The following SORCS2 variants were observed in gnomAD, a reference collection of about 807,000 sequenced individuals.
SORCS2 encodes the protein VPS10 domain-containing receptor SorCS2.
A neutral mutation model predicts 141.6 loss-of-function variants in SORCS2; 100 were observed. The ratio of observed to expected loss-of-function variants is 0.71; its 90% CI spans 0.60 to 0.83. The LOEUF is 0.83. Ranked by LOEUF, SORCS2 falls within the 40% of genes least tolerant of loss-of-function variation. The pLI is 0.00. For missense variants in SORCS2, 1,646 were observed against 1,560.2 expected (o/e 1.05, Z -0.93); for synonymous variants, 789 against 676.9 (o/e 1.17, Z -2.57).
chr4:7,694,300 A>G (rs10937855), intron 11 of SORCS2, among the ~76,000 whole-genome samples: 104,341 of 151,680 alleles, frequency 0.69, 36,496 homozygotes, highest in East Asian at 0.92. Context: ...TTCTCCCCTC[A>G]TCACCTCCCT....
At chr4:7,225,609 G>A (rs1430732318) in intron 1 of SORCS2, among the ~76,000 whole-genome samples, 2 of 152,168 alleles carry the variant, frequency 1.3e-5, no homozygotes, top group Non-Finnish European at 2.9e-5. Context: ...GCTGGGGGTT[G>A]GGGGTGATTT....
rs75252298 is a variant in SORCS2, at chr4:7,396,367, C to T, written c.548+12C>T. 9.9e-5 allele frequency: 160 copies of T among 1,613,420 alleles called. No individual in the cohort carries two copies. The highest frequency in any genetic ancestry group is 1.7e-4 in the Middle Eastern group (1 of 6,052). ...AGTTCTCTGTGGCGGTAAGTCAGCC[C>T]GATGGCAGGCCTTTCTCTTATGCAC... On this transcript the variant is annotated intron_variant, in intron 2 of 26. Transcript: ENST00000507866.
intron 3 of SORCS2, among the ~76,000 whole-genome samples, chr4:7,602,994 CA>C (rs1442677485): frequency 1.3e-5 from 2 of 152,124 alleles, no homozygotes; most frequent in Non-Finnish European, 2.9e-5. Context: ...CCGTCTCCAC[CA>C]AAAAAATACA....
chr4:7,462,966 GT>G (rs796856821), intron 2 of SORCS2, among the ~76,000 whole-genome samples: 37 of 151,872 alleles, frequency 2.4e-4, no homozygotes, highest in African/African-American at 8.7e-4. Flanking sequence ...GGACTGAGGA[GT>G]GCCTGTTTGA....
rs189122974 is a variant in SORCS2 at position 7,263,468 on chromosome 4, G to A, written c.480+70342G>A. On this transcript the variant is annotated intron_variant, in intron 1 of 26. Transcript: ENST00000507866. Reference sequence around the variant, plus strand: ...GGACGCTGGCCGGGTGTTCATCATCGTCTGCCTCATTGTCCTGGGAAGGAG... The same window carrying A: ...GGACGCTGGCCGGGTGTTCATCATCATCTGCCTCATTGTCCTGGGAAGGAG... Among the ~76,000 whole-genome samples the A allele has an allele frequency of 3.5e-3, 527 of 152,296 alleles. 2 individuals carry two copies. Among genetic ancestry groups the A allele is most frequent in the Middle Eastern group, 0.01 (3 of 294 alleles).
At chr4:7,677,464 C>T (rs1723238354) in intron 9 of SORCS2, among the ~76,000 whole-genome samples, 1 of 152,268 alleles carries the variant, frequency 6.6e-6, no homozygotes. Context: ...AAAACCAGGA[C>T]CGGCCCAGGC....
intron 3 of SORCS2, among the ~76,000 whole-genome samples, chr4:7,593,593 G>A (rs1717059993): frequency 6.6e-6 from 1 of 152,066 alleles, no homozygotes. Context: ...AGCCTCAGTG[G>A]CTGCTGTGTT....
intron 2 of SORCS2, among the ~76,000 whole-genome samples, chr4:7,487,004 G>A (rs1731029659): frequency 6.6e-6 from 1 of 152,226 alleles, no homozygotes; most frequent in South Asian, 2.1e-4. Context: ...ACCTCAGCGG[G>A]AAGCGGCTGC....
At chr4:7,479,157 C>T (rs1730476688) in intron 2 of SORCS2, among the ~76,000 whole-genome samples, 1 of 151,710 alleles carries the variant, frequency 6.6e-6, no homozygotes, top group Non-Finnish European at 1.5e-5. Context: ...CAAACGCCAG[C>T]AGCCAGCTGC....
At chr4:7,691,644 A>G (rs1202000852) in intron 11 of SORCS2, among the ~76,000 whole-genome samples, 1 of 152,074 alleles carries the variant, frequency 6.6e-6, no homozygotes, top group East Asian at 1.9e-4. Context: ...ACCCATCAGC[A>G]TCAATGTGAA....
chr4:7,497,936 G>T (rs4234820), intron 2 of SORCS2, among the ~76,000 whole-genome samples: 147,863 of 152,364 alleles, frequency 0.97, 71,865 homozygotes, highest in East Asian at 1. Context: ...TTCACTGAAG[G>T]GGGTGAAGAA....
At position 7,741,197 on chromosome 4, in the gene SORCS2, A is replaced by G. The variant is rs1195686298; in HGVS notation, c.*933A>G. ...GTACCAGTTTTCTGCAGTTCCTTAT[A>G]GGCGAAGGGAACCGGGTGGAAACCA... On this transcript the variant is annotated 3_prime_UTR_variant, in exon 27 of 27. Transcript: ENST00000507866. 3 of 398,622 alleles carry G rather than the reference A, an allele frequency of 7.5e-6. No homozygotes were observed. The highest frequency in any genetic ancestry group is 4.4e-5 in the Admixed American group (1 of 22,708). The allele number at this position is 398,622 out of a possible 1,614,324, so 24.7% of individuals were successfully genotyped here. A position where few individuals can be genotyped will look rare whatever the true frequency, so the allele number is the denominator to read the frequency against.
At position 7,740,617 on chromosome 4, in the gene SORCS2, C is replaced by G. The variant is rs1364820478; in HGVS notation, c.*353C>G. The G allele has an allele frequency of 2.8e-6, 1 of 354,750 alleles. No homozygotes were observed. Among genetic ancestry groups the G allele is most frequent in the African/African-American group, 2.0e-5 (1 of 49,834 alleles). The allele number at this position is 354,750 out of a possible 1,614,324, so 22.0% of individuals were successfully genotyped here. On this transcript the variant is annotated 3_prime_UTR_variant, in exon 27 of 27. Transcript: ENST00000507866. ...GGTCGTCCTGGAGCCCTCCCAGTAC[C>G]TCGGGCTGCAAGAGCTGCAGACCCG...
At position 7,506,784 on chromosome 4, in the gene SORCS2, A is replaced by T. The variant is rs573712018; in HGVS notation, c.549-24746A>T. Among the ~76,000 whole-genome samples, 5 of 152,344 alleles carry T rather than the reference A, an allele frequency of 3.3e-5. No individual in the cohort carries two copies. In the East Asian group the frequency reaches 9.6e-4, roughly 29 times the overall value. On this transcript the variant is annotated intron_variant, in intron 2 of 26. Transcript: ENST00000507866. ...GATGTAGTCAGGGAGGGCTTCCTGG[A>T]GGTAGCAGACCCTGAAACAGATGTC... is the stretch of plus-strand genomic sequence containing the variant.
At chr4:7,539,948 C>A (rs901629724) in intron 3 of SORCS2, among the ~76,000 whole-genome samples, 3 of 151,290 alleles carry the variant, frequency 2.0e-5, no homozygotes, top group African/African-American at 7.3e-5. Flanking sequence ...AAGGTCTCAC[C>A]CCCTCCCTGC....
intron 3 of SORCS2, among the ~76,000 whole-genome samples, chr4:7,547,351 G>A (rs1713341694): frequency 6.6e-6 from 1 of 152,300 alleles, no homozygotes; most frequent in African/African-American, 2.4e-5. Context: ...CACTTCCAGA[G>A]CCCAGCTCTG....
intron 2 of SORCS2, among the ~76,000 whole-genome samples, chr4:7,414,256 T>G (rs953200000): frequency 2.0e-5 from 3 of 152,178 alleles, no homozygotes; most frequent in Non-Finnish European, 4.4e-5. Flanking sequence ...AGCCCACAGT[T>G]GCACATGGCA....
At chr4:7,523,416 T>C (rs1733465629) in intron 2 of SORCS2, among the ~76,000 whole-genome samples, 2 of 152,052 alleles carry the variant, frequency 1.3e-5, no homozygotes, top group Non-Finnish European at 2.9e-5. Flanking sequence ...CCAACAAGCA[T>C]TTATTGAGTG....
intron 2 of SORCS2, among the ~76,000 whole-genome samples, chr4:7,526,481 A>G (rs1733704198): frequency 6.6e-6 from 1 of 152,250 alleles, no homozygotes; most frequent in African/African-American, 2.4e-5. Flanking sequence ...TGACGATGAT[A>G]AAAGGATCGG....
Sources: gnomAD v4.1 joint callset for allele counts (sites outside exome capture counted in the v4.1 genomes callset) on GRCh38, gnomAD v4.1.1 for gene constraint, MANE v1.5 for transcripts, NCBI Gene and HGNC (gene_info 2026-07-23, HGNC 2026-07-21) for gene names.